Variants in DSE observed in about 807,000 individuals in gnomAD.
DSE encodes the protein dermatan-sulfate epimerase.
Under a neutral mutation model 84.4 loss-of-function variants are expected in DSE, and 36 were observed. The observed-to-expected ratio is 0.43, with a 90% CI of 0.33 to 0.56. The LOEUF (loss-of-function observed/expected upper bound fraction) is 0.56. DSE is among the 20% of genes least tolerant of loss of function. The pLI is 0.06. For missense variants in DSE, 862 were observed against 1,169.6 expected (o/e 0.74, Z 3.84); for synonymous variants, 410 against 430.1 (o/e 0.95, Z 0.58).
chr6:116,352,883 C>G (rs997030375), intron 2 of DSE, among the ~76,000 whole-genome samples: 6 of 152,118 alleles, frequency 3.9e-5, no homozygotes, highest in Non-Finnish European at 7.4e-5. Flanking sequence ...TGAAGTCTTC[C>G]TTTCTTTCCT....
intron 2 of DSE, among the ~76,000 whole-genome samples, chr6:116,420,662 A>G (rs1481989293): frequency 6.6e-6 from 1 of 152,250 alleles, no homozygotes; most frequent in Non-Finnish European, 1.5e-5. Context: ...CTGGGCTAAG[A>G]CAACAGTATA....
At position 116,437,521 on chromosome 6, in the gene DSE, A is replaced by G; in HGVS notation, c.*176A>G. 1 of 629,610 alleles carries G rather than the reference A, an allele frequency of 1.6e-6. No homozygotes were observed. Among genetic ancestry groups the G allele is most frequent in the Non-Finnish European group, 2.6e-6 (1 of 384,974 alleles). The allele number at this position is 629,610 out of a possible 1,614,324, so 39.0% of individuals were successfully genotyped here. ...TGGAGAAATTGGAGCAGGAAAAGAA[A>G]TTATCAAAGCAATAGAAATAGCTTG... On this transcript the variant is annotated 3_prime_UTR_variant, in exon 6 of 6. Coordinates refer to ENST00000644252, the MANE Select transcript of DSE (RefSeq NM_013352.4).
At chr6:116,424,048 CAT>C (rs940144923) in intron 2 of DSE, among the ~76,000 whole-genome samples, 9 of 152,176 alleles carry the variant, frequency 5.9e-5, no homozygotes, top group Admixed American at 2.0e-4. Context: ...GTTAATCACA[CAT>C]GTGAGGGTTT....
At chr6:116,397,332 G>C (rs986642806) in intron 1 of DSE, among the ~76,000 whole-genome samples, 2 of 141,082 alleles carry the variant, frequency 1.4e-5, no homozygotes, top group South Asian at 2.2e-4. Flanking sequence ...TCAACCTCCC[G>C]AGTAGATGGG....
chr6:116,376,167 C>T (rs535943248), intron 1 of DSE, among the ~76,000 whole-genome samples: 266 of 152,330 alleles, frequency 1.7e-3, no homozygotes, highest in Non-Finnish European at 3.3e-3. Flanking sequence ...TATTTACAGA[C>T]CCCCTTTCCG....
At chr6:116,416,371 G>A (rs1004797109) in intron 2 of DSE, among the ~76,000 whole-genome samples, 5 of 151,542 alleles carry the variant, frequency 3.3e-5, no homozygotes, top group African/African-American at 1.2e-4. Flanking sequence ...GTGTGTGTGT[G>A]TGTGTGTGTG....
chr6:116,422,474 T>C (rs2115053769), intron 2 of DSE, among the ~76,000 whole-genome samples: 1 of 152,210 alleles, frequency 6.6e-6, no homozygotes, highest in East Asian at 1.9e-4. Flanking sequence ...CATGTAAAAA[T>C]GTTTCATGAA....
At chr6:116,256,614 G>A (rs1772153405) in intron 1 of DSE, 1 of 152,164 alleles carries the variant, frequency 6.6e-6, no homozygotes, top group South Asian at 2.1e-4. Context: ...GATAATGACT[G>A]CATAGCAGCT....
chr6:116,309,239 C>T (rs1775521658), intron 2 of DSE, among the ~76,000 whole-genome samples: 1 of 152,068 alleles, frequency 6.6e-6, no homozygotes, highest in East Asian at 1.9e-4. Context: ...CACAACTCTA[C>T]TTTTTAGGTG....
chr6:116,322,660 T>C (rs1583016470), intron 2 of DSE, among the ~76,000 whole-genome samples: 2 of 152,284 alleles, frequency 1.3e-5, no homozygotes, highest in African/African-American at 4.8e-5. Context: ...TCGTTGATGC[T>C]TAAAGTAAAT....
chr6:116,368,436 A>G (rs1040776113), upstream of DSE, among the ~76,000 whole-genome samples: 1 of 152,248 alleles, frequency 6.6e-6, no homozygotes, highest in South Asian at 2.1e-4. Flanking sequence ...AGTTATATCA[A>G]TGATACCCAA....
intron 1 of DSE, among the ~76,000 whole-genome samples, chr6:116,374,821 A>C (rs575279411): frequency 6.6e-6 from 1 of 152,324 alleles, no homozygotes; most frequent in African/African-American, 2.4e-5. Flanking sequence ...TGAATGGATT[A>C]ATCATTCATG....
chr6:116,397,643 C>T (rs1300112413), intron 1 of DSE, among the ~76,000 whole-genome samples: 1 of 152,190 alleles, frequency 6.6e-6, no homozygotes, highest in Non-Finnish European at 1.5e-5. Context: ...TTTCTTTTGG[C>T]TGGGTCTCTG....
At chr6:116,418,117 A>AT (rs1418782878) in intron 2 of DSE, among the ~76,000 whole-genome samples, 1 of 152,136 alleles carries the variant, frequency 6.6e-6, no homozygotes, top group Non-Finnish European at 1.5e-5. Context: ...CGAGGGTAGA[A>AT]TTCTATCCTC....
At chr6:116,332,223 CAT>C (rs1776992682) in intron 2 of DSE, among the ~76,000 whole-genome samples, 1 of 152,002 alleles carries the variant, frequency 6.6e-6, no homozygotes, top group Non-Finnish European at 1.5e-5. Flanking sequence ...GTAAAAGAAA[CAT>C]AAAACATTCC....
intron 1 of DSE, among the ~76,000 whole-genome samples, chr6:116,395,713 T>C (rs1781213003): frequency 6.6e-6 from 1 of 152,230 alleles, no homozygotes; most frequent in Non-Finnish European, 1.5e-5. Context: ...CTGTCCATTT[T>C]TGGTCCACCT....
chr6:116,383,630 A>T (rs1316680186), intron 1 of DSE, among the ~76,000 whole-genome samples: 1 of 152,168 alleles, frequency 6.6e-6, no homozygotes, highest in Non-Finnish European at 1.5e-5. Flanking sequence ...AATCATACCT[A>T]TTAAGCACCT....
chr6:116,356,114 G>C (rs1778555752), intron 2 of DSE, among the ~76,000 whole-genome samples: 1 of 152,172 alleles, frequency 6.6e-6, no homozygotes, highest in African/African-American at 2.4e-5. Flanking sequence ...GATTGGTATG[G>C]ACAGGCTGCA....
intron 2 of DSE, among the ~76,000 whole-genome samples, chr6:116,358,027 G>T (rs768350682): frequency 6.6e-6 from 1 of 152,184 alleles, no homozygotes; most frequent in African/African-American, 2.4e-5. Context: ...ATTTTTTAAT[G>T]ATTTCTTAGA....
Sources: allele counts gnomAD v4.1 joint callset (sites outside exome capture counted in the v4.1 genomes callset), GRCh38; gene constraint gnomAD v4.1.1; transcripts MANE v1.5; gene names NCBI Gene and HGNC (gene_info 2026-07-23, HGNC 2026-07-21).